HACE1: variants seen among roughly 807,000 people sequenced by gnomAD.
HACE1 encodes the protein HECT domain and ankyrin repeat containing E3 ubiquitin protein ligase 1, also known as E3 ubiquitin-protein ligase HACE1.
In HACE1, 73 loss-of-function variants were observed where a neutral mutation model predicts 118.4. The observed-to-expected ratio is 0.62, with a 90% CI of 0.51 to 0.75. The LOEUF (loss-of-function observed/expected upper bound fraction) is 0.75, where lower values mean the gene tolerates loss of function less well. HACE1 is among the 30% of genes least tolerant of loss of function. The pLI is 0.00. For missense variants in HACE1, 749 were observed against 1,102.2 expected (o/e 0.68, Z 4.54); for synonymous variants, 368 against 374.8 (o/e 0.98, Z 0.21).
intron 19 of HACE1, among the ~76,000 whole-genome samples, chr6:104,755,663 C>T (rs1480690293): frequency 1.3e-5 from 2 of 152,160 alleles, no homozygotes; most frequent in Non-Finnish European, 2.9e-5. Flanking sequence ...AATTGAACAA[C>T]CTGCTCCTGA....
intron 22 of HACE1, among the ~76,000 whole-genome samples, chr6:104,740,003 A>G (rs1387508618): frequency 1.3e-5 from 2 of 152,052 alleles, no homozygotes; most frequent in African/African-American, 4.8e-5. Context: ...AGAACTCAGG[A>G]TTAAGAAACT....
chr6:104,810,236 G>A (rs567343854), intron 7 of HACE1, among the ~76,000 whole-genome samples: 1 of 152,088 alleles, frequency 6.6e-6, no homozygotes, highest in Non-Finnish European at 1.5e-5. Context: ...GAAAATGGCT[G>A]GAATCAGAAA....
rs1361187879 is a variant in HACE1, at chr6:104,774,121, G to A, written c.1865-2047C>T. ...TTTTTTTTTTTTGAGACGGAGTCTC[G>A]CTCTGTCGCCCAGGCTGGAGTGCAG... On this transcript the variant is annotated intron_variant, in intron 17 of 23. Transcript: ENST00000262903. Among the ~76,000 whole-genome samples the A allele has an allele frequency of 3.3e-5, 3 of 91,334 alleles. 1 individual carries two copies. The highest frequency in any genetic ancestry group is 2.7e-4 in the East Asian group (1 of 3,642). The allele number at this position is 91,334 out of a possible 152,430, so 59.9% of individuals were successfully genotyped here.
intron 19 of HACE1, among the ~76,000 whole-genome samples, chr6:104,756,426 A>T (rs866590012): frequency 0.047 from 4,992 of 105,624 alleles, 226 homozygotes; most frequent in African/African-American, 0.13. Context: ...AAAAAAAAAA[A>T]ATATATATAT....
chr6:104,845,087 A>G (rs1461675798), intron 4 of HACE1, among the ~76,000 whole-genome samples: 1 of 152,086 alleles, frequency 6.6e-6, no homozygotes, highest in African/African-American at 2.4e-5. Context: ...TATATAATAA[A>G]TATAGTAGTA....
chr6:104,832,496 C>T (rs966304136), intron 6 of HACE1, among the ~76,000 whole-genome samples: 4 of 152,044 alleles, frequency 2.6e-5, no homozygotes, highest in African/African-American at 7.2e-5. Context: ...TGAGCTCAAG[C>T]AATTCTCCCA....
chr6:104,738,150 C>T (rs1168807047), intron 22 of HACE1, among the ~76,000 whole-genome samples: 3 of 151,768 alleles, frequency 2.0e-5, no homozygotes, highest in Non-Finnish European at 2.9e-5. Context: ...AGGACATCCA[C>T]ACCAAAAACC....
intron 22 of HACE1, among the ~76,000 whole-genome samples, chr6:104,737,588 G>T (rs894181249): frequency 2.6e-5 from 4 of 152,130 alleles, no homozygotes; most frequent in African/African-American, 7.2e-5. Flanking sequence ...AGAAAATCGG[G>T]TCACTCCCAC....
intron 5 of HACE1, among the ~76,000 whole-genome samples, chr6:104,835,590 G>A (rs1157567426): frequency 1.3e-5 from 2 of 151,994 alleles, no homozygotes; most frequent in Non-Finnish European, 2.9e-5. Context: ...GTGTGAATAG[G>A]TCTAACATTT....
intron 22 of HACE1, among the ~76,000 whole-genome samples, chr6:104,734,973 G>A (rs78800976): frequency 6.6e-6 from 1 of 151,698 alleles, no homozygotes; most frequent in Admixed American, 6.6e-5. Context: ...ATCAAAATAA[G>A]GTCCGGATGG....
intron 22 of HACE1, among the ~76,000 whole-genome samples, chr6:104,740,572 A>C (rs543306165): frequency 1.9e-4 from 29 of 151,826 alleles, no homozygotes; most frequent in South Asian, 8.3e-4. Flanking sequence ...GAAATGGATA[A>C]ATTCCTCGAC....
intron 14 of HACE1, among the ~76,000 whole-genome samples, chr6:104,779,914 C>A (rs1406588038): frequency 2.0e-5 from 3 of 151,902 alleles, no homozygotes; most frequent in African/African-American, 4.8e-5. Flanking sequence ...CACCTATAAG[C>A]CAGGTACTTT....
At chr6:104,738,688 C>G (rs964377524) in intron 22 of HACE1, among the ~76,000 whole-genome samples, 31 of 149,708 alleles carry the variant, frequency 2.1e-4, no homozygotes, top group Non-Finnish European at 7.4e-5. Flanking sequence ...AAATCTATGT[C>G]TGATTGGTGG....
intron 22 of HACE1, among the ~76,000 whole-genome samples, chr6:104,739,429 G>A (rs368628596): frequency 1.1e-4 from 17 of 152,112 alleles, no homozygotes; most frequent in African/African-American, 3.1e-4. Flanking sequence ...CCCATCTCAC[G>A]TGCAGAGACA....
chr6:104,850,474 G>A (rs1776094613), intron 3 of HACE1, among the ~76,000 whole-genome samples: 1 of 152,160 alleles, frequency 6.6e-6, no homozygotes. Flanking sequence ...CCTGAAAAGA[G>A]GATAGGTACC....
intron 1 of HACE1, among the ~76,000 whole-genome samples, chr6:104,859,079 CTTTG>C (rs1293234257): frequency 2.0e-5 from 3 of 152,302 alleles, no homozygotes; most frequent in South Asian, 2.1e-4. Flanking sequence ...TTTGACAACC[CTTTG>C]TTTGCCTGTT....
chr6:104,777,684 T>C (rs1340912977), intron 14 of HACE1, among the ~76,000 whole-genome samples: 1 of 152,242 alleles, frequency 6.6e-6, no homozygotes, highest in East Asian at 1.9e-4. Context: ...AAAATTACGT[T>C]GCGTGTTCCA....
At chr6:104,854,382 T>C (rs1397090968) in intron 1 of HACE1, among the ~76,000 whole-genome samples, 1 of 152,228 alleles carries the variant, frequency 6.6e-6, no homozygotes, top group Admixed American at 6.5e-5. Context: ...TAATTTCTTA[T>C]TTTTGACAAC....
intron 22 of HACE1, among the ~76,000 whole-genome samples, chr6:104,742,324 AC>A (rs1257310008): frequency 7.0e-6 from 1 of 143,024 alleles, no homozygotes; most frequent in Non-Finnish European, 1.5e-5. Flanking sequence ...ATCTAATTAA[AC>A]TAAAGAGCTT....
Sources: gnomAD v4.1 joint callset for allele counts (sites outside exome capture counted in the v4.1 genomes callset) on GRCh38, gnomAD v4.1.1 for gene constraint, MANE v1.5 for transcripts, NCBI Gene and HGNC (gene_info 2026-07-23, HGNC 2026-07-21) for gene names.